The following CMC2 variants were observed in gnomAD, a reference collection of about 807,000 sequenced individuals.
CMC2 encodes the protein COX assembly mitochondrial protein 2 homolog.
A neutral mutation model predicts 7.5 loss-of-function variants in CMC2; 5 were observed. The ratio of observed to expected loss-of-function variants is 0.66; its 90% CI spans 0.35 to 1.40. The LOEUF (loss-of-function observed/expected upper bound fraction) is 1.40, where lower values mean the gene tolerates loss of function less well. CMC2 is among the 40% of genes most tolerant of loss of function. The probability of loss-of-function intolerance (pLI) is 0.04; values close to 1 mark genes in which losing one functional copy is unlikely to be tolerated. For missense variants in CMC2, 115 were observed against 92.3 expected (o/e 1.25, Z -1.01); for synonymous variants, 37 against 31.4 (o/e 1.18, Z -0.60).
intron 1 of CMC2, among the ~76,000 whole-genome samples, chr16:81,005,019 T>C (rs1004481118): frequency 6.6e-6 from 1 of 152,250 alleles, no homozygotes; most frequent in Admixed American, 6.5e-5. Flanking sequence ...ACTACAGTTG[T>C]AATTTCTAAT....
chr16:81,002,473 G>A (rs1056004841), intron 1 of CMC2, among the ~76,000 whole-genome samples: 1 of 152,068 alleles, frequency 6.6e-6, no homozygotes, highest in Non-Finnish European at 1.5e-5. Flanking sequence ...ACTAGAAAAT[G>A]TCTCTAACAT....
chr16:80,990,748 T>G (rs940498570), intron 2 of CMC2, among the ~76,000 whole-genome samples: 1 of 152,142 alleles, frequency 6.6e-6, no homozygotes, highest in African/African-American at 2.4e-5. Context: ...AGGCAGGGTC[T>G]TACTCTGTCA....
At chr16:80,980,878 AC>A (rs752622708) in intron 3 of CMC2, 8 of 698,096 alleles carry the variant, frequency 1.1e-5, no homozygotes, top group Non-Finnish European at 2.1e-5. Context: ...CAGAGCAAGA[AC>A]CTGTCTCAAA....
intron 3 of CMC2, among the ~76,000 whole-genome samples, 157 bp from the exon 4 acceptor site, chr16:80,976,336 T>C (rs1912344331): frequency 6.6e-6 from 1 of 152,250 alleles, no homozygotes; most frequent in African/African-American, 2.4e-5. Flanking sequence ...AATTCTTATC[T>C]TTTATTTAAC....
rs981126554 is a variant in CMC2, at chr16:80,973,295, G to A, written c.*2798C>T. The A allele has an allele frequency of 6.6e-6, 1 of 152,154 alleles. No individual in the cohort carries two copies. Among genetic ancestry groups the A allele is most frequent in the South Asian group, 2.1e-4 (1 of 4,832 alleles). The allele number at this position is 152,154 out of a possible 1,614,324, so 9.4% of individuals were successfully genotyped here. A position where few individuals can be genotyped will look rare whatever the true frequency, so the allele number is the denominator to read the frequency against. Reference sequence around the variant, plus strand: ...TTTACCCCCTGCCCCATCAGCTGGGGCCCCACTCAAACGGTATCAGCCCTA... The same window carrying A: ...TTTACCCCCTGCCCCATCAGCTGGGACCCCACTCAAACGGTATCAGCCCTA... On this transcript the variant is annotated 3_prime_UTR_variant, in exon 4 of 4. Coordinates refer to ENST00000219400, the MANE Select transcript of CMC2 (RefSeq NM_020188.5).
intron 1 of CMC2, among the ~76,000 whole-genome samples, chr16:81,003,797 T>C (rs1396146555): frequency 6.6e-6 from 1 of 151,942 alleles, no homozygotes; most frequent in African/African-American, 2.4e-5. Flanking sequence ...AAGAGAAGAG[T>C]ATTGTATTTG....
Position 80,969,251 on chromosome 16 carries a change from G to A in CMC2, c.*6842C>T, listed in dbSNP as rs1458827386. On this transcript the variant is annotated 3_prime_UTR_variant, in exon 4 of 4. Transcript: ENST00000219400. ...AATACAAATGAGTGAGGTGAGGACAGAGCATCAAGAGCCAGAGGAGTCCTG... is the reference window on the plus strand; with the variant it reads ...AATACAAATGAGTGAGGTGAGGACAAAGCATCAAGAGCCAGAGGAGTCCTG... The A allele has an allele frequency of 6.6e-6, 1 of 152,250 alleles. No individual in the cohort carries two copies. Among genetic ancestry groups the A allele is most frequent in the Non-Finnish European group, 1.5e-5 (1 of 68,082 alleles). 9.4% of individuals were successfully genotyped at this position (152,250 alleles called of 1,614,324 possible). A position where few individuals can be genotyped will look rare whatever the true frequency, so the allele number is the denominator to read the frequency against.
Position 80,975,119 on chromosome 16 carries a change from G to A in CMC2, c.*974C>T, listed in dbSNP as rs1912183895. ...AGGTCTCAGAAACACTTGGCAGAAGGAACACTGGTGAAATGACTGCTAGAA... is the reference window on the plus strand; with the variant it reads ...AGGTCTCAGAAACACTTGGCAGAAGAAACACTGGTGAAATGACTGCTAGAA... On this transcript the variant is annotated 3_prime_UTR_variant, in exon 4 of 4. Coordinates refer to ENST00000219400, the MANE Select transcript of CMC2 (RefSeq NM_020188.5). 6.6e-6 allele frequency: 1 copy of A among 152,308 alleles called. No homozygotes were observed. 9.4% of individuals were successfully genotyped at this position (152,308 alleles called of 1,614,324 possible).
At chr16:80,992,769 C>T (rs1218767114) in intron 2 of CMC2, among the ~76,000 whole-genome samples, 1 of 138,974 alleles carries the variant, frequency 7.2e-6, no homozygotes, top group Non-Finnish European at 1.5e-5. Context: ...ATGTGTTGTA[C>T]TGCAGCCTCA....
rs374846204 is a variant in CMC2, at chr16:81,003,160, C to G, written c.-36+3574G>C. On this transcript the variant is annotated intron_variant, in intron 1 of 3. Coordinates refer to ENST00000219400, the MANE Select transcript of CMC2 (RefSeq NM_020188.5). ...CTGGGGTGTAATATGTAAGGTACAA[C>G]TGTAAAAATGGCAATGTTCTCTCAG... is the stretch of plus-strand genomic sequence containing the variant. Among the ~76,000 whole-genome samples, 14 of 152,204 alleles carry G rather than the reference C, an allele frequency of 9.2e-5. No individual in the cohort carries two copies. The East Asian group carries it at 1.7e-3, about 19-fold the overall frequency.
chr16:80,982,145 T>C (rs1407194792), intron 2 of CMC2, among the ~76,000 whole-genome samples: 1 of 152,048 alleles, frequency 6.6e-6, no homozygotes, highest in Non-Finnish European at 1.5e-5. Context: ...ACCTCACAGA[T>C]GAACTACCAT....
At chr16:80,980,995 G>C in intron 3 of CMC2, 1 of 394,600 alleles carries the variant, frequency 2.5e-6, no homozygotes, top group Non-Finnish European at 4.6e-6. Context: ...TCCAGGAAGG[G>C]AAAAACAGCC....
intron 3 of CMC2, among the ~76,000 whole-genome samples, chr16:80,979,085 A>T (rs547742052): frequency 8.7e-5 from 13 of 150,040 alleles, no homozygotes; most frequent in East Asian, 1.9e-4. Flanking sequence ...TGGCAAAAAA[A>T]ATAAAAAAAT....
chr16:80,983,853 T>A (rs1490822404), intron 2 of CMC2: 1 of 152,414 alleles, frequency 6.6e-6, no homozygotes, highest in Non-Finnish European at 1.5e-5. Context: ...TGGTGGCATA[T>A]GCCTGTAATC....
intron 2 of CMC2, among the ~76,000 whole-genome samples, chr16:80,985,660 T>C (rs912287749): frequency 6.6e-6 from 1 of 151,924 alleles, no homozygotes; most frequent in East Asian, 1.9e-4. Context: ...GACCAAAAAG[T>C]GTGAGAACTG....
intron 2 of CMC2, 150 bp from the exon 3 acceptor site, chr16:80,982,027 T>C: frequency 3.6e-6 from 2 of 548,976 alleles, no homozygotes; most frequent in Non-Finnish European, 6.4e-6. Context: ...AAAACACAGT[T>C]GGCCCTTGAA....
Position 80,986,150 on chromosome 16 carries a change from C to A in CMC2, c.82-4273G>T, listed in dbSNP as rs180938044. Among the ~76,000 whole-genome samples, 20 of 152,200 alleles carry A rather than the reference C, an allele frequency of 1.3e-4. No homozygotes were observed. In the East Asian group the frequency reaches 1.7e-3, roughly 13 times the overall value. On this transcript the variant is annotated intron_variant, in intron 2 of 3. Transcript: ENST00000219400. ...ATCACCTGAGGTCAGGAGTTTGAGG[C>A]CAGCCTGGGCTAACATGGTGAAACC... is the stretch of plus-strand genomic sequence containing the variant.
At chr16:80,996,127 C>T (rs763994520) in intron 2 of CMC2, among the ~76,000 whole-genome samples, 51 of 152,090 alleles carry the variant, frequency 3.4e-4, no homozygotes, top group African/African-American at 1.1e-3. Context: ...AAAAACTCTG[C>T]CCCTTAATTT....
Position 80,969,650 on chromosome 16 carries a change from G to A in CMC2, c.*6443C>T, listed in dbSNP as rs983411906. 2.0e-5 allele frequency: 3 copies of A among 152,476 alleles called. No homozygotes were observed. The highest frequency in any genetic ancestry group is 4.4e-5 in the Non-Finnish European group (3 of 68,278). 9.4% of individuals were successfully genotyped at this position (152,476 alleles called of 1,614,324 possible). A position where few individuals can be genotyped will look rare whatever the true frequency, so the allele number is the denominator to read the frequency against. On this transcript the variant is annotated 3_prime_UTR_variant, in exon 4 of 4. Transcript: ENST00000219400. ...GGCCTGTAATCCCAGCACTTCAGGA[G>A]GCCGAGGCAGGTGGATCACTTGAGG...
Sources: allele counts gnomAD v4.1 joint callset (sites outside exome capture counted in the v4.1 genomes callset), GRCh38; gene constraint gnomAD v4.1.1; transcripts MANE v1.5; gene names NCBI Gene and HGNC (gene_info 2026-07-23, HGNC 2026-07-21).